Variants in TTC7A observed in about 807,000 individuals in gnomAD.
TTC7A encodes tetratricopeptide repeat domain 7A, also known as tetratricopeptide repeat protein 7A.
Under a neutral mutation model 103.7 loss-of-function variants are expected in TTC7A, and 110 were observed. The ratio of observed to expected loss-of-function variants is 1.06; its 90% CI spans 0.91 to 1.24. The LOEUF (loss-of-function observed/expected upper bound fraction) is 1.24. TTC7A is among the 50% of genes most tolerant of loss of function. TTC7A has a pLI of 0.00. For synonymous variants in TTC7A, 521 were observed against 467.9 expected (o/e 1.11, Z -1.47); for missense variants, 1,340 against 1,116.3 (o/e 1.20, Z -2.86).
chr2:46,951,822 C>A (rs1302154973), intron 2 of TTC7A: 4 of 361,506 alleles, frequency 1.1e-5, no homozygotes, highest in Non-Finnish European at 1.6e-5. Flanking sequence ...CAAGACGAAT[C>A]CAGCATGGAC....
At chr2:47,066,563 C>A (rs923110760) in intron 19 of TTC7A, among the ~76,000 whole-genome samples, 4 of 152,200 alleles carry the variant, frequency 2.6e-5, no homozygotes, top group Non-Finnish European at 4.4e-5. Flanking sequence ...CCCTCTCCCC[C>A]ATCATGGAGG....
intron 2 of TTC7A, among the ~76,000 whole-genome samples, chr2:46,919,659 T>G (rs936008332): frequency 3.3e-5 from 5 of 152,238 alleles, no homozygotes; most frequent in Non-Finnish European, 5.9e-5. Flanking sequence ...AACAACAGTC[T>G]CTTGCTGTTG....
intron 14 of TTC7A, among the ~76,000 whole-genome samples, chr2:47,025,461 G>A (rs906451436): frequency 3.3e-5 from 5 of 152,186 alleles, no homozygotes; most frequent in African/African-American, 1.2e-4. Flanking sequence ...TCGGCGGGCT[G>A]CATTTCTCCT....
intron 3 of TTC7A, among the ~76,000 whole-genome samples, chr2:46,964,455 T>TG (rs1672665247): frequency 6.6e-6 from 1 of 152,148 alleles, no homozygotes. Context: ...CTCTCTTCAC[T>TG]GGGGTTTCTA....
At chr2:47,050,124 AG>A in intron 17 of TTC7A, 78 bp downstream of exon 17, 2 of 1,266,134 alleles carry the variant, frequency 1.6e-6, no homozygotes, top group South Asian at 1.2e-5. Flanking sequence ...CAACACAGAG[AG>A]GGGCCGGGCC....
upstream of TTC7A, among the ~76,000 whole-genome samples, chr2:46,938,829 T>C (rs964659571): frequency 1.3e-5 from 2 of 151,410 alleles, no homozygotes; most frequent in South Asian, 4.2e-4. Context: ...CTGGCCAACA[T>C]AGTGAAACCC....
intron 16 of TTC7A, 151 bp from the exon 17 acceptor site, chr2:47,049,798 T>A: frequency 3.2e-6 from 2 of 630,620 alleles, no homozygotes; most frequent in South Asian, 3.6e-5. Flanking sequence ...CAGCTCTGTC[T>A]TTGGGCCTGA....
intron 3 of TTC7A, among the ~76,000 whole-genome samples, chr2:46,967,920 G>A (rs185311957): frequency 4.0e-5 from 6 of 151,742 alleles, no homozygotes; most frequent in Admixed American, 1.3e-4. Context: ...GCTTCTTCCC[G>A]TGGCTGCAGG....
chr2:47,046,885 G>T (rs1439905579), intron 16 of TTC7A: 2 of 238,646 alleles, frequency 8.4e-6, no homozygotes, highest in Non-Finnish European at 1.6e-5. Flanking sequence ...CCAGCCCATG[G>T]AGCCTGTCAC....
intron 18 of TTC7A, chr2:47,054,197 T>C: frequency 5.1e-6 from 5 of 984,328 alleles, no homozygotes; most frequent in Non-Finnish European, 6.0e-6. Flanking sequence ...TGGGTGCATG[T>C]AGCAGATCCA....
intron 7 of TTC7A, 39 bp from the exon 8 acceptor site, chr2:46,995,097 G>A (rs114356926): frequency 1.2e-6 from 2 of 1,606,546 alleles, no homozygotes; most frequent in Non-Finnish European, 1.7e-6. Context: ...GTCTGGTGAG[G>A]TGTGTGCTCT....
At chr2:46,953,386 A>G (rs775435334) in intron 2 of TTC7A, among the ~76,000 whole-genome samples, 3 of 152,132 alleles carry the variant, frequency 2.0e-5, no homozygotes, top group Non-Finnish European at 2.9e-5. Context: ...AACTCCTGGG[A>G]TCAAGCAGTC....
At chr2:46,962,317 A>G (rs1019492022) in intron 3 of TTC7A, among the ~76,000 whole-genome samples, 6 of 152,136 alleles carry the variant, frequency 3.9e-5, no homozygotes, top group African/African-American at 1.4e-4. Flanking sequence ...AGCCTGCAAC[A>G]TCGTCTCCCT....
intron 2 of TTC7A, among the ~76,000 whole-genome samples, chr2:46,934,754 C>T (rs1262677831): frequency 1.3e-5 from 2 of 149,148 alleles, no homozygotes; most frequent in Non-Finnish European, 3.0e-5. Context: ...CCCAACAATC[C>T]CAATCCTGGA....
Position 47,040,272 on chromosome 2 carries a change from C to T in TTC7A, c.1803-6043C>T, listed in dbSNP as rs141606268. On this transcript the variant is annotated intron_variant, in intron 15 of 19. Coordinates refer to ENST00000319190, the MANE Select transcript of TTC7A (RefSeq NM_020458.4). ...ACCAAGGATGGAGCACATCTCAGGA[C>T]CCGGCCGTCCTTCCCTAGCCCCAGG... The T allele has an allele frequency of 4.4e-4, 67 of 152,440 alleles. No individual in the cohort carries two copies. The East Asian group carries it at 0.012, about 28-fold the overall frequency. 9.4% of individuals were successfully genotyped at this position (152,440 alleles called of 1,614,324 possible).
chr2:46,964,167 A>T (rs1323780730), intron 3 of TTC7A, among the ~76,000 whole-genome samples: 1 of 152,238 alleles, frequency 6.6e-6, no homozygotes, highest in Non-Finnish European at 1.5e-5. Context: ...GGTGAGATCC[A>T]GCTAGTTGTG....
rs764914219 is a variant in TTC7A, at chr2:46,978,881, C to T, written c.738C>T (p.Ser246=). The T allele has an allele frequency of 1.8e-5, 29 of 1,614,014 alleles. No homozygotes were observed. In the South Asian group the frequency reaches 2.6e-4, roughly 15 times the overall value. ...ACTTCCTGGAAGCTGCCCTCCAGAG[C>T]GCCTATGTGAAAAACCTGAAGAAGG... The part of the protein sequence containing the change: ...LTYFLEAALQ[S]AYVKNLKKGN... The change falls in exon 5 of 20, where the codon AGC becomes AGT. Residue 246 remains serine (S), a synonymous_variant. Transcript: ENST00000319190.
intron 2 of TTC7A, among the ~76,000 whole-genome samples, chr2:46,919,743 C>T (rs1292611830): frequency 1.3e-5 from 2 of 152,148 alleles, no homozygotes; most frequent in Non-Finnish European, 2.9e-5. Context: ...GCGTTCTGCA[C>T]AAGTAGAGGA....
chr2:47,032,991 G>C (rs568584420), intron 15 of TTC7A, among the ~76,000 whole-genome samples: 3 of 151,946 alleles, frequency 2.0e-5, no homozygotes, highest in Admixed American at 6.6e-5. Context: ...CATAGGGTAT[G>C]ACCATTATCT....
Sources: allele counts gnomAD v4.1 joint callset (sites outside exome capture counted in the v4.1 genomes callset), GRCh38; gene constraint gnomAD v4.1.1; transcripts MANE v1.5; gene names NCBI Gene and HGNC (gene_info 2026-07-23, HGNC 2026-07-21).